The following ZNF92 variants were observed in gnomAD, a reference collection of about 807,000 sequenced individuals.
ZNF92 encodes epididymis luminal protein 203.
A neutral mutation model predicts 12.4 loss-of-function variants in ZNF92; 11 were observed. That is an observed-to-expected ratio of 0.89 (90% CI 0.56 to 1.47). The LOEUF is 1.47. Ranked by LOEUF, ZNF92 falls within the 40% of genes most tolerant of loss-of-function variation. The probability of loss-of-function intolerance (pLI) is 0.00; values close to 1 mark genes in which losing one functional copy is unlikely to be tolerated. For missense variants in ZNF92, 622 were observed against 681.0 expected, an observed-to-expected ratio of 0.91 and a Z score of 0.96; for synonymous variants, 206 against 228.6, an observed-to-expected ratio of 0.90 and a Z score of 0.89.
chr7:65,385,697 G>T (rs1051415275), intron 1 of ZNF92, among the ~76,000 whole-genome samples: 1 of 152,084 alleles, frequency 6.6e-6, no homozygotes, highest in Non-Finnish European at 1.5e-5. Context: ...GACTTTTTCT[G>T]CAGGTCTTGG....
rs771152179 is a variant in ZNF92 at position 65,398,533 on chromosome 7, C to T, written c.419C>T (p.Thr140Ile). The T allele has an allele frequency of 3.1e-6, 5 of 1,610,744 alleles. No homozygotes were observed. The African/African-American group carries it at 6.7e-5, about 22-fold the overall frequency. ...YNGLNQCLTT[T>I]DSKIFQCDKY... Reference sequence around the variant, plus strand: ...GGACTTAACCAGTGTTTGACAACTACTGACAGCAAGATATTTCAGTGTGAT... The same window carrying T: ...GGACTTAACCAGTGTTTGACAACTATTGACAGCAAGATATTTCAGTGTGAT... Residue 140 changes from threonine to isoleucine, a missense_variant, in exon 4 of 4, where the codon ACT becomes ATT. Physicochemically the swap from Thr to Ile is moderately conservative, Grantham distance 89 (BLOSUM62 -1). Coordinates refer to ENST00000328747, the MANE Select transcript of ZNF92 (RefSeq NM_152626.4).
chr7:65,399,906 A>C lies in ZNF92; in HGVS notation c.*31A>C. ...GTGACAATGATTTTCACTACACCTC[A>C]AACTTTTCTAAACATAAACCATATT... On this transcript the variant is annotated 3_prime_UTR_variant, in exon 4 of 4. Coordinates refer to ENST00000328747, the MANE Select transcript of ZNF92 (RefSeq NM_152626.4). 6.6e-7 allele frequency: 1 copy of C among 1,510,678 alleles called. No individual in the cohort carries two copies. Among genetic ancestry groups the C allele is most frequent in the Non-Finnish European group, 8.9e-7 (1 of 1,127,390 alleles). 93.6% of individuals were successfully genotyped at this position (1,510,678 alleles called of 1,614,324 possible).
At chr7:65,388,083 C>G in intron 2 of ZNF92, 55 bp downstream of exon 2, 1 of 1,526,078 alleles carries the variant, frequency 6.6e-7, no homozygotes, top group Non-Finnish European at 8.8e-7. Flanking sequence ...CATTTCTCCT[C>G]TTTGTAAAAT....
chr7:65,395,967 A>G (rs1049144705), intron 3 of ZNF92, among the ~76,000 whole-genome samples: 1 of 152,058 alleles, frequency 6.6e-6, no homozygotes, highest in Non-Finnish European at 1.5e-5. Context: ...GCTGGTTTGC[A>G]GTGGTGTGAT....
intron 1 of ZNF92, among the ~76,000 whole-genome samples, chr7:65,381,678 T>A (rs1216503509): frequency 6.6e-6 from 1 of 152,170 alleles, no homozygotes; most frequent in East Asian, 1.9e-4. Flanking sequence ...GTTTTACATT[T>A]AAGTCCTTAA....
In ZNF92 at chr7:65,392,996, G is replaced by A. The variant is rs75842572; in HGVS notation, c.226+4095G>A. 4.5e-4 allele frequency among the ~76,000 whole-genome samples: 69 copies of A among 152,220 alleles called. 1 individual carries two copies. Among genetic ancestry groups the A allele is most frequent in the African/African-American group, 1.5e-3 (64 of 41,536 alleles). ...TTAAGCCTGGAAGTTTGAGGCTGCAGTGAGCCTTAATTGTGCCACTGCACT... is the reference window on the plus strand; with the variant it reads ...TTAAGCCTGGAAGTTTGAGGCTGCAATGAGCCTTAATTGTGCCACTGCACT... On this transcript the variant is annotated intron_variant, in intron 3 of 3. Coordinates refer to ENST00000328747, the MANE Select transcript of ZNF92 (RefSeq NM_152626.4).
At chr7:65,396,552 T>G (rs1793851127) in intron 3 of ZNF92, among the ~76,000 whole-genome samples, 1 of 152,180 alleles carries the variant, frequency 6.6e-6, no homozygotes, top group African/African-American at 2.4e-5. Context: ...GGTTTGATGC[T>G]CCATCATTAT....
chr7:65,397,798 C>T (rs1461999938), intron 3 of ZNF92, among the ~76,000 whole-genome samples: 3 of 152,072 alleles, frequency 2.0e-5, no homozygotes, highest in African/African-American at 4.8e-5. Context: ...TACACGTGTT[C>T]GCTGTCTGTG....
chr7:65,394,955 G>T (rs1793809751), intron 3 of ZNF92, among the ~76,000 whole-genome samples: 1 of 152,026 alleles, frequency 6.6e-6, no homozygotes, highest in Non-Finnish European at 1.5e-5. Flanking sequence ...CCAAAATGAA[G>T]TTTTTTGACC....
Position 65,373,980 on chromosome 7 carries a change from C to G in ZNF92, c.-18C>G. ...GAGGTTCACAGCTAAGACGCCAGGA[C>G]CCCCTGGAAGCCTAGAAATGGTGAG... On this transcript the variant is annotated 5_prime_UTR_variant, in exon 1 of 4. Transcript: ENST00000328747. 5 of 1,614,084 alleles carry G rather than the reference C, an allele frequency of 3.1e-6. No homozygotes were observed. The South Asian group carries it at 5.5e-5, about 18-fold the overall frequency.
intron 3 of ZNF92, among the ~76,000 whole-genome samples, chr7:65,397,153 T>G (rs948990345): frequency 5.9e-5 from 9 of 152,054 alleles, no homozygotes; most frequent in African/African-American, 2.2e-4. Context: ...CCTGCAAAAT[T>G]TTTGTTGACA....
At chr7:65,387,249 A>G (rs368319966) in intron 1 of ZNF92, among the ~76,000 whole-genome samples, 1 of 152,172 alleles carries the variant, frequency 6.6e-6, no homozygotes, top group Non-Finnish European at 1.5e-5. Flanking sequence ...GCCAGTTATT[A>G]AGTATCTTTA....
chr7:65,374,221 CTG>C (rs1793176078), intron 1 of ZNF92, among the ~76,000 whole-genome samples: 1 of 152,242 alleles, frequency 6.6e-6, no homozygotes, highest in Non-Finnish European at 1.5e-5. Context: ...TGCGCAGTGA[CTG>C]TGCTTTGGCC....
At chr7:65,395,694 A>C (rs1306496243) in intron 3 of ZNF92, among the ~76,000 whole-genome samples, 1 of 152,150 alleles carries the variant, frequency 6.6e-6, no homozygotes, top group Non-Finnish European at 1.5e-5. Flanking sequence ...TGGTAGTTAT[A>C]GATTCCTGGT....
chr7:65,375,770 C>T (rs1199010677), intron 1 of ZNF92, among the ~76,000 whole-genome samples: 6 of 151,690 alleles, frequency 4.0e-5, no homozygotes, highest in Non-Finnish European at 8.8e-5. Context: ...ATCGCTTGAA[C>T]CCGGGAGAGG....
intron 1 of ZNF92, among the ~76,000 whole-genome samples, chr7:65,377,986 C>T (rs1562788311): frequency 1.3e-5 from 2 of 152,134 alleles, no homozygotes; most frequent in East Asian, 3.8e-4. Context: ...AAAGTTTAGG[C>T]AGACAAGGGC....
At chr7:65,398,126 C>T (rs1793890978) in intron 3 of ZNF92, among the ~76,000 whole-genome samples, 1 of 152,078 alleles carries the variant, frequency 6.6e-6, no homozygotes, top group Non-Finnish European at 1.5e-5. Flanking sequence ...TCACCTGGGG[C>T]ACTGTACACA....
chr7:65,392,171 T>C (rs1038230629), intron 3 of ZNF92, among the ~76,000 whole-genome samples: 14 of 152,064 alleles, frequency 9.2e-5, no homozygotes, highest in African/African-American at 2.9e-4. Context: ...TTAATATGAC[T>C]TTAATTTTGG....
At chr7:65,383,574 G>T (rs1429902534) in intron 1 of ZNF92, among the ~76,000 whole-genome samples, 1 of 152,096 alleles carries the variant, frequency 6.6e-6, no homozygotes, top group Non-Finnish European at 1.5e-5. Context: ...GAGGTGCCAG[G>T]TATAAATAGA....
Sources: gnomAD v4.1 joint callset for allele counts (sites outside exome capture counted in the v4.1 genomes callset) on GRCh38, gnomAD v4.1.1 for gene constraint, MANE v1.5 for transcripts, NCBI Gene and HGNC (gene_info 2026-07-23, HGNC 2026-07-21) for gene names.